The following CES5A variants were observed in gnomAD, a reference collection of about 807,000 sequenced individuals.
CES5A encodes carboxylesterase 5A.
CES5A carries 67 observed loss-of-function variants against 62.9 expected under a neutral mutation model. The observed-to-expected ratio is 1.07, with a 90% CI of 0.88 to 1.31. CES5A has a LOEUF of 1.31. Among genes scored for constraint, CES5A ranks in the 50% most tolerant of loss-of-function variants. The probability of loss-of-function intolerance (pLI) is 0.00; values close to 1 mark genes in which losing one functional copy is unlikely to be tolerated. For synonymous variants in CES5A, 296 were observed against 280.8 expected (o/e 1.05, Z -0.54); for missense variants, 748 against 708.5 (o/e 1.06, Z -0.63).
chr16:55,925,621 A>G (rs2034251158), upstream of CES5A, among the ~76,000 whole-genome samples: 1 of 152,158 alleles, frequency 6.6e-6, no homozygotes, highest in East Asian at 1.9e-4. Context: ...CTAACTGCTC[A>G]ACAGTGGATA....
At chr16:55,944,675 G>A (rs567597995) in intron 2 of CES5A, among the ~76,000 whole-genome samples, 3 of 152,230 alleles carry the variant, frequency 2.0e-5, no homozygotes, top group East Asian at 1.9e-4. Flanking sequence ...CTAACTGTTC[G>A]GCCTGAAAAA....
intron 1 of CES5A, among the ~76,000 whole-genome samples, chr16:55,901,356 T>C (rs1329148673): frequency 6.6e-6 from 1 of 152,126 alleles, no homozygotes; most frequent in East Asian, 1.9e-4. Flanking sequence ...ATTAGCAGTG[T>C]GAAAACAGAC....
rs2034323998 is a variant in CES5A at position 55,932,437 on chromosome 16, T to C, written c.160+17348A>G. On this transcript the variant is annotated intron_variant, in intron 2 of 13. Transcript: ENST00000521992. Reference sequence around the variant, plus strand: ...GTCTCTGTTCTTGTGGAGTTTACTGTCAGTGGATGAGACAAAGAGTAAATA... The same window carrying C: ...GTCTCTGTTCTTGTGGAGTTTACTGCCAGTGGATGAGACAAAGAGTAAATA... Among the ~76,000 whole-genome samples, 4 of 152,316 alleles carry C rather than the reference T, an allele frequency of 2.6e-5. No individual in the cohort carries two copies. In the South Asian group the frequency reaches 8.3e-4, roughly 32 times the overall value.
Position 55,846,364 on chromosome 16 carries a change from A to G in CES5A, c.*87T>C. 5 of 1,003,714 alleles carry G rather than the reference A, an allele frequency of 5.0e-6. No individual in the cohort carries two copies. Among genetic ancestry groups the G allele is most frequent in the Non-Finnish European group, 7.6e-6 (5 of 655,558 alleles). The allele number at this position is 1,003,714 out of a possible 1,614,324, so 62.2% of individuals were successfully genotyped here. A position where few individuals can be genotyped will look rare whatever the true frequency, so the allele number is the denominator to read the frequency against. On this transcript the variant is annotated 3_prime_UTR_variant, in exon 13 of 13. Coordinates refer to ENST00000290567, the MANE Select transcript of CES5A (RefSeq NM_001143685.2). ...GCTTGTTTTGCAAGGATCCCCATAGAAAGCAGCTGAGCTCAGAAAGAAGCT... is the reference window on the plus strand; with the variant it reads ...GCTTGTTTTGCAAGGATCCCCATAGGAAGCAGCTGAGCTCAGAAAGAAGCT...
chr16:55,949,958 TA>T, intron 1 of CES5A: 1 of 742,770 alleles, frequency 1.3e-6, no homozygotes, highest in South Asian at 2.7e-5. Context: ...ATAATATAAA[TA>T]AAATATAATA....
Position 55,869,753 on chromosome 16 carries a change from G to T in CES5A, c.418-9C>A. ...GGGAACCACACCAAGACCTGAGGAG[G>T]GGAGAAGAGCATCCAGTCAGCCCAC... is the stretch of plus-strand genomic sequence containing the variant. On this transcript the variant is annotated splice_polypyrimidine_tract_variant and intron_variant, in intron 3 of 12. Transcript: ENST00000290567. 6.3e-7 allele frequency: 1 copy of T among 1,595,806 alleles called. No individual in the cohort carries two copies. The highest frequency in any genetic ancestry group is 2.3e-5 in the East Asian group (1 of 44,218).
chr16:55,892,378 C>A (rs1321732006), intron 1 of CES5A, among the ~76,000 whole-genome samples: 5 of 152,140 alleles, frequency 3.3e-5, no homozygotes, highest in Admixed American at 2.6e-4. Flanking sequence ...AGCTGCACCC[C>A]AACCACCTTG....
At chr16:55,884,618 G>A (rs1389184753) in intron 1 of CES5A, among the ~76,000 whole-genome samples, 2 of 151,986 alleles carry the variant, frequency 1.3e-5, no homozygotes, top group East Asian at 1.9e-4. Flanking sequence ...TTGAGACAGG[G>A]TCTCGCTGTG....
intron 4 of CES5A, 26 bp downstream of exon 4, chr16:55,869,585 G>A: frequency 1.2e-6 from 2 of 1,611,020 alleles, no homozygotes; most frequent in Non-Finnish European, 1.7e-6. Context: ...GGGGATCTGG[G>A]ATGTCCATCA....
chr16:55,863,601 C>G, intron 5 of CES5A, 149 bp from the exon 6 acceptor site: 4 of 604,948 alleles, frequency 6.6e-6, no homozygotes, highest in Non-Finnish European at 1.2e-5. Flanking sequence ...GGTTAAAGGA[C>G]TAGCTGTGAA....
chr16:55,849,840 C>T (rs1268380944), intron 10 of CES5A, 67 bp from the exon 11 acceptor site: 4 of 1,554,398 alleles, frequency 2.6e-6, no homozygotes, highest in South Asian at 2.3e-5. Context: ...TCTGTGTCCC[C>T]ACCTATCAAG....
At chr16:55,865,823 G>A (rs1488526383) in intron 5 of CES5A, 140 bp downstream of exon 5, 2 of 921,794 alleles carry the variant, frequency 2.2e-6, no homozygotes, top group Non-Finnish European at 3.4e-6. Context: ...AACTCATAAT[G>A]TGTTGTGAGG....
At chr16:55,875,083 C>G (rs2033669513) in intron 1 of CES5A, 66 bp downstream of exon 1, 1 of 1,473,152 alleles carries the variant, frequency 6.8e-7, no homozygotes, top group African/African-American at 1.4e-5. Context: ...AACTTCATTT[C>G]TACCAGTGGA....
At chr16:55,873,738 A>T in intron 2 of CES5A, 95 bp downstream of exon 2, 1 of 1,156,730 alleles carries the variant, frequency 8.6e-7, no homozygotes, top group East Asian at 2.4e-5. Flanking sequence ...TCCCCCATCC[A>T]TGCCAATCCC....
intron 2 of CES5A, among the ~76,000 whole-genome samples, chr16:55,933,244 A>G (rs2034332784): frequency 6.6e-6 from 1 of 152,106 alleles, no homozygotes; most frequent in Non-Finnish European, 1.5e-5. Context: ...CAGTCACATG[A>G]CTCCATTCTA....
At chr16:55,948,621 C>T in intron 2 of CES5A, among the ~76,000 whole-genome samples, 1 of 152,098 alleles carries the variant, frequency 6.6e-6, no homozygotes, top group African/African-American at 2.4e-5. Context: ...AAGTTTTTTG[C>T]ATGATTTGGT....
intron 1 of CES5A, among the ~76,000 whole-genome samples, chr16:55,895,726 T>C (rs2033925254): frequency 6.6e-6 from 1 of 152,186 alleles, no homozygotes. Flanking sequence ...AATGATTGTA[T>C]TTTACACGTG....
intron 9 of CES5A, 125 bp from the exon 10 acceptor site, chr16:55,853,153 A>G (rs1468207200): frequency 2.1e-5 from 19 of 905,966 alleles, no homozygotes; most frequent in Non-Finnish European, 3.2e-5. Context: ...CCACACAGCA[A>G]CCCTATGATG....
exon 1 of CES5A, chr16:55,955,895 C>T (rs1430102744): frequency 6.5e-7 from 1 of 1,535,926 alleles, no homozygotes; most frequent in Admixed American, 2.0e-5. Flanking sequence ...TCAGACTTGC[C>T]CTTGGTCCTA....
Sources: allele counts gnomAD v4.1 joint callset (sites outside exome capture counted in the v4.1 genomes callset), GRCh38; gene constraint gnomAD v4.1.1; transcripts MANE v1.5; gene names NCBI Gene and HGNC (gene_info 2026-07-23, HGNC 2026-07-21).